IGF2R: variants seen among roughly 807,000 people sequenced by gnomAD.
IGF2R encodes insulin like growth factor 2 receptor, also known as cation-independent mannose-6-phosphate receptor.
A neutral mutation model predicts 270.6 loss-of-function variants in IGF2R; 91 were observed. That is an observed-to-expected ratio of 0.34 (90% CI 0.28 to 0.40). IGF2R has a LOEUF of 0.40. Ranked by LOEUF, IGF2R falls within the 10% of genes least tolerant of loss-of-function variation. The pLI, the probability that IGF2R is intolerant of heterozygous loss-of-function variation, is 1.00. For synonymous variants in IGF2R, 1,316 were observed against 1,258.9 expected (o/e 1.05, Z -0.96); for missense variants, 2,805 against 3,188.3 (o/e 0.88, Z 2.90).
intron 1 of IGF2R, among the ~76,000 whole-genome samples, chr6:159,980,618 C>A (rs1357240672): frequency 6.6e-6 from 1 of 152,212 alleles, no homozygotes; most frequent in Non-Finnish European, 1.5e-5. Flanking sequence ...TTGTGAGGAA[C>A]CACCACCTGG....
At position 160,022,010 on chromosome 6, in the gene IGF2R, A is replaced by G. The variant is rs554228952; in HGVS notation, c.514-2562A>G. On this transcript the variant is annotated intron_variant, in intron 4 of 47. Coordinates refer to ENST00000356956, the MANE Select transcript of IGF2R (RefSeq NM_000876.4). The stretch of plus-strand genomic sequence containing the variant: ...GTGCCCACCAACGGATGACTAGGTA[A>G]AGAACACACACACACACACACACAC... Among the ~76,000 whole-genome samples the G allele has an allele frequency of 3.4e-4, 46 of 136,646 alleles. No homozygotes were observed. The South Asian group carries it at 5.2e-3, about 15-fold the overall frequency. 89.6% of individuals were successfully genotyped at this position (136,646 alleles called of 152,430 possible). A position where few individuals can be genotyped will look rare whatever the true frequency, so the allele number is the denominator to read the frequency against.
intron 2 of IGF2R, among the ~76,000 whole-genome samples, chr6:159,997,811 A>G (rs2115188978): frequency 6.6e-6 from 1 of 152,320 alleles, no homozygotes; most frequent in Non-Finnish European, 1.5e-5. Flanking sequence ...GTCTTGAAAC[A>G]AAAGAAACCC....
At chr6:160,015,291 T>G (rs1462864010) in intron 4 of IGF2R, among the ~76,000 whole-genome samples, 1 of 152,154 alleles carries the variant, frequency 6.6e-6, no homozygotes, top group Non-Finnish European at 1.5e-5. Flanking sequence ...GAACATGAAG[T>G]TTTAGAATAT....
At position 160,016,952 on chromosome 6, in the gene IGF2R, T is replaced by C. The variant is rs542606857; in HGVS notation, c.513+6167T>C. Among the ~76,000 whole-genome samples, 5 of 152,252 alleles carry C rather than the reference T, an allele frequency of 3.3e-5. No homozygotes were observed. The East Asian group carries it at 9.7e-4, about 29-fold the overall frequency. On this transcript the variant is annotated intron_variant, in intron 4 of 47. Coordinates refer to ENST00000356956, the MANE Select transcript of IGF2R (RefSeq NM_000876.4). ...GGAAGCAGGGTAACAATTCTGGAAA[T>C]ATGAAAAAGCAGGGTGTTATAGCAC...
chr6:160,072,054 T>G lies in IGF2R; in HGVS notation c.4570+18T>G. On this transcript the variant is annotated intron_variant, in intron 32 of 47. Coordinates refer to ENST00000356956, the MANE Select transcript of IGF2R (RefSeq NM_000876.4). ...AAGCACAGGTGAGAGGTGGTGCCAG[T>G]CGTTAACCCCAGCGCAGGTGAGAGA... is the stretch of plus-strand genomic sequence containing the variant. 6.2e-7 allele frequency: 1 copy of G among 1,613,908 alleles called. No homozygotes were observed. The highest frequency in any genetic ancestry group is 8.5e-7 in the Non-Finnish European group (1 of 1,179,964).
intron 4 of IGF2R, among the ~76,000 whole-genome samples, chr6:160,012,543 C>A (rs1258178762): frequency 1.3e-5 from 2 of 151,534 alleles, no homozygotes; most frequent in Non-Finnish European, 2.9e-5. Context: ...AGGTGCCGCC[C>A]ACTTTGAAAT....
chr6:160,090,166 T>G, intron 44 of IGF2R, 63 bp downstream of exon 44: 1 of 1,178,598 alleles, frequency 8.5e-7, no homozygotes, highest in Admixed American at 3.1e-5. Flanking sequence ...GATTAAAATT[T>G]TCAACTAACT....
intron 45 of IGF2R, among the ~76,000 whole-genome samples, chr6:160,100,068 C>T (rs995561274): frequency 3.3e-5 from 5 of 152,048 alleles, no homozygotes; most frequent in Admixed American, 2.6e-4. Context: ...ATACTTAAAT[C>T]CCCAAAGAAG....
chr6:160,093,635 C>G, intron 44 of IGF2R: 1 of 729,614 alleles, frequency 1.4e-6, no homozygotes, highest in East Asian at 2.5e-5. Context: ...GGGAGAGGAC[C>G]AGGTAAACTT....
intron 41 of IGF2R, 104 bp from the exon 42 acceptor site, chr6:160,087,929 G>A (rs1779130564): frequency 7.0e-6 from 5 of 715,646 alleles, no homozygotes; most frequent in Non-Finnish European, 2.5e-6. Context: ...GCCCTCTTTG[G>A]TTTCCCAAAG....
intron 31 of IGF2R, among the ~76,000 whole-genome samples, chr6:160,070,314 C>T (rs1349773570): frequency 2.6e-5 from 4 of 152,144 alleles, no homozygotes; most frequent in African/African-American, 9.7e-5. Flanking sequence ...TGACTCAGAC[C>T]CCTAAAGGCT....
intron 42 of IGF2R, among the ~76,000 whole-genome samples, 159 bp downstream of exon 42, chr6:160,088,306 G>A (rs546332666): frequency 3.9e-5 from 6 of 152,330 alleles, no homozygotes; most frequent in Admixed American, 3.9e-4. Flanking sequence ...AGGCAGGGAA[G>A]ACCTCCAGAT....
In IGF2R at chr6:160,001,439, A is replaced by G. The variant is rs545405373; in HGVS notation, c.290-7571A>G. Among the ~76,000 whole-genome samples, 9 of 152,172 alleles carry G rather than the reference A, an allele frequency of 5.9e-5. No homozygotes were observed. The East Asian group carries it at 1.7e-3, about 29-fold the overall frequency. On this transcript the variant is annotated intron_variant, in intron 2 of 47. Transcript: ENST00000356956. ...TGTGGTGTGTTGTATAATTATTTCA[A>G]TTACATATTACAATGTAATAATAAT...
chr6:160,064,575 C>G lies in IGF2R; in HGVS notation c.4017+44C>G, dbSNP rs200108051. 4 of 1,603,126 alleles carry G rather than the reference C, an allele frequency of 2.5e-6. No homozygotes were observed. In the South Asian group the frequency reaches 4.4e-5, roughly 18 times the overall value. On this transcript the variant is annotated intron_variant, in intron 28 of 47. Coordinates refer to ENST00000356956, the MANE Select transcript of IGF2R (RefSeq NM_000876.4). ...CCCTCAGCGGGGTCTTCTCCCCACC[C>G]TCAGGCTGCTGGGATCATATTAGAA... is the stretch of plus-strand genomic sequence containing the variant.
At position 160,047,900 on chromosome 6, in the gene IGF2R, C is replaced by A; in HGVS notation, c.2338C>A (p.Leu780Ile). 6.2e-7 allele frequency: 1 copy of A among 1,603,902 alleles called. No individual in the cohort carries two copies. The highest frequency in any genetic ancestry group is 8.5e-7 in the Non-Finnish European group (1 of 1,170,662). The change falls in exon 17 of 48, where the codon CTC becomes ATC. Residue 780 changes from leucine to isoleucine, a missense_variant. Around this residue, in one of 2 missense-constraint regions of IGF2R, gnomAD observed 954 missense variants for 981.1 expected, o/e 0.97. Transcript: ENST00000356956. The stretch of plus-strand genomic sequence containing the variant: ...CCCCTCCACGCTGGAGCAGTACGAC[C>A]TCTCCAGGTGAGGCAGAGTCAGCTG... ...TDPSTLEQYDLSSLAKSEGGL... is the reference protein window; with the variant it reads ...TDPSTLEQYDISSLAKSEGGL...
intron 4 of IGF2R, among the ~76,000 whole-genome samples, chr6:160,018,092 T>G (rs1276831064): frequency 6.6e-6 from 1 of 151,868 alleles, no homozygotes; most frequent in East Asian, 1.9e-4. Flanking sequence ...AAAGACAGAA[T>G]CCACCCATAT....
rs368564648 is a variant in IGF2R at position 159,991,180 on chromosome 6, C to A, written c.150-4C>A. On this transcript the variant is annotated splice_polypyrimidine_tract_variant and splice_region_variant and intron_variant, in intron 1 of 47. Coordinates refer to ENST00000356956, the MANE Select transcript of IGF2R (RefSeq NM_000876.4). ...ATTGACAAGTTGTTTTTCTTCCTTT[C>A]CAGTTATACATGGGAAGCTGTTGAT... 24 of 1,592,932 alleles carry A rather than the reference C, an allele frequency of 1.5e-5. No individual in the cohort carries two copies. Among genetic ancestry groups the A allele is most frequent in the Middle Eastern group, 1.7e-4 (1 of 6,008 alleles).
At chr6:159,975,510 G>A (rs1783675777) in intron 1 of IGF2R, among the ~76,000 whole-genome samples, 1 of 151,866 alleles carries the variant, frequency 6.6e-6, no homozygotes, top group Non-Finnish European at 1.5e-5. Flanking sequence ...CAGTCCAAAA[G>A]CAGGGAAGAT....
intron 39 of IGF2R, among the ~76,000 whole-genome samples, chr6:160,083,387 C>G (rs1779028221): frequency 6.6e-6 from 1 of 152,212 alleles, no homozygotes. Context: ...GGGTTTTATA[C>G]CGAGACATTC....
Sources: gnomAD v4.1 joint callset for allele counts (sites outside exome capture counted in the v4.1 genomes callset) on GRCh38, gnomAD v4.1.1 for gene constraint, gnomAD v4.1.1 regional missense constraint, MANE v1.5 for transcripts, NCBI Gene and HGNC (gene_info 2026-07-23, HGNC 2026-07-21) for gene names.